Variants in RAPGEF4 observed in about 807,000 individuals in gnomAD.
RAPGEF4 encodes Rap guanine nucleotide exchange factor 4.
RAPGEF4 carries 66 observed loss-of-function variants against 147.9 expected under a neutral mutation model. The ratio of observed to expected loss-of-function variants is 0.45; its 90% confidence interval spans 0.37 to 0.55. RAPGEF4 has a LOEUF of 0.55. RAPGEF4 is among the 20% of genes least tolerant of loss of function. RAPGEF4 has a pLI of 0.00. For synonymous variants in RAPGEF4, 419 were observed against 442.7 expected, an observed-to-expected ratio of 0.95 and a Z score of 0.67; for missense variants, 1,071 against 1,257.3, an observed-to-expected ratio of 0.85 and a Z score of 2.24.
At chr2:173,050,099 G>A (rs1350881444) in intron 30 of RAPGEF4, among the ~76,000 whole-genome samples, 1 of 152,154 alleles carries the variant, frequency 6.6e-6, no homozygotes, top group Non-Finnish European at 1.5e-5. Flanking sequence ...ACCTCCTAGA[G>A]AAGCCAAGGG....
intron 1 of RAPGEF4, among the ~76,000 whole-genome samples, chr2:172,758,444 T>C (rs865828665): frequency 7.9e-5 from 12 of 152,170 alleles, no homozygotes; most frequent in Non-Finnish European, 1.3e-4. Flanking sequence ...AAGATCACTA[T>C]GACTGCAACG....
chr2:172,928,312 T>A lies in RAPGEF4; in HGVS notation c.537+6012T>A, dbSNP rs1182034974. ...TCTGTTCCTCAACTCTTACAAAAGC[T>A]AGCCATACCATCTCTCTCTCTAGCT... On this transcript the variant is annotated intron_variant, in intron 6 of 30. Coordinates refer to ENST00000397081, the MANE Select transcript of RAPGEF4 (RefSeq NM_007023.4). The A allele has an allele frequency of 9.3e-6, 4 of 430,244 alleles. No individual in the cohort carries two copies. The East Asian group carries it at 2.8e-4, about 30-fold the overall frequency. The allele number at this position is 430,244 out of a possible 1,614,324, so 26.7% of individuals were successfully genotyped here. A position where few individuals can be genotyped will look rare whatever the true frequency, so the allele number is the denominator to read the frequency against.
intron 4 of RAPGEF4, among the ~76,000 whole-genome samples, chr2:172,852,294 T>C (rs1397126032): frequency 6.6e-6 from 1 of 152,208 alleles, no homozygotes; most frequent in Non-Finnish European, 1.5e-5. Context: ...ACCTTCCTTA[T>C]TCTTTCAGGT....
chr2:172,876,293 G>A (rs1283228805), intron 4 of RAPGEF4, among the ~76,000 whole-genome samples: 1 of 152,132 alleles, frequency 6.6e-6, no homozygotes. Context: ...ATGTTGAATA[G>A]GAGTGGTGAG....
chr2:172,813,779 T>A lies in RAPGEF4; in HGVS notation c.298-500T>A, dbSNP rs371302484. On this transcript the variant is annotated intron_variant, in intron 3 of 30. Transcript: ENST00000397081. ...AAAAGGTAAGATTCCTGCTGGCAGCTTTATTCATAATATCCTCAAAGTAGA... is the reference window on the plus strand; with the variant it reads ...AAAAGGTAAGATTCCTGCTGGCAGCATTATTCATAATATCCTCAAAGTAGA... 1.8e-4 allele frequency among the ~76,000 whole-genome samples: 27 copies of A among 152,250 alleles called. No individual in the cohort carries two copies. The East Asian group carries it at 5.2e-3, about 29-fold the overall frequency.
At position 172,758,304 on chromosome 2, in the gene RAPGEF4, A is replaced by G. The variant is rs540539123; in HGVS notation, c.65+22256A>G. 2.6e-5 allele frequency among the ~76,000 whole-genome samples: 4 copies of G among 152,250 alleles called. No individual in the cohort carries two copies. In the East Asian group the frequency reaches 7.7e-4, roughly 29 times the overall value. On this transcript the variant is annotated intron_variant, in intron 1 of 30. Transcript: ENST00000397081. ...GGGAAAGGGTAGGAGAGGAAGTGAG[A>G]CAGAGAATGAGGGCAGATCACATAG...
intron 10 of RAPGEF4, among the ~76,000 whole-genome samples, chr2:172,971,755 A>AC (rs1553539727): frequency 2.2e-3 from 333 of 149,200 alleles, no homozygotes; most frequent in African/African-American, 7.0e-3. Context: ...CACATACCCC[A>AC]TTTTTTTTTT....
At chr2:173,035,562 A>G (rs1683884096) in intron 27 of RAPGEF4, among the ~76,000 whole-genome samples, 1 of 151,580 alleles carries the variant, frequency 6.6e-6, no homozygotes, top group Non-Finnish European at 1.5e-5. Context: ...ATTTTACCCA[A>G]GCTGGTCATG....
At chr2:172,894,462 A>G (rs895477614) in intron 4 of RAPGEF4, 3 of 152,344 alleles carry the variant, frequency 2.0e-5, no homozygotes, top group South Asian at 2.1e-4. Context: ...ATAAAATTCT[A>G]ACTCTCACTG....
At chr2:172,882,805 T>TCA in intron 4 of RAPGEF4, among the ~76,000 whole-genome samples, 1 of 150,682 alleles carries the variant, frequency 6.6e-6, no homozygotes, top group Admixed American at 6.6e-5. Flanking sequence ...AACATTATCA[T>TCA]TATCATCATC....
At chr2:172,993,783 G>C (rs1235613121) in intron 15 of RAPGEF4, among the ~76,000 whole-genome samples, 1 of 152,196 alleles carries the variant, frequency 6.6e-6, no homozygotes. Flanking sequence ...CCCACCCTAA[G>C]GGAATGTTAG....
intron 5 of RAPGEF4, among the ~76,000 whole-genome samples, chr2:172,920,814 A>G (rs781610147): frequency 6.6e-6 from 1 of 152,130 alleles, no homozygotes. Context: ...TGGATGATGG[A>G]TGGGTGGATG....
At chr2:172,773,695 T>G (rs1350568230) in intron 1 of RAPGEF4, among the ~76,000 whole-genome samples, 3 of 139,436 alleles carry the variant, frequency 2.2e-5, no homozygotes, top group African/African-American at 8.0e-5. Flanking sequence ...TCAATCAGAA[T>G]TTCATCCTGC....
intron 4 of RAPGEF4, among the ~76,000 whole-genome samples, chr2:172,816,078 T>TG (rs1483406110): frequency 6.6e-6 from 1 of 152,208 alleles, no homozygotes; most frequent in Non-Finnish European, 1.5e-5. Flanking sequence ...TAGAATATCC[T>TG]GTTACATACC....
chr2:173,001,993 C>CAAAAAAAAAAAAAA (rs11397728), intron 17 of RAPGEF4, among the ~76,000 whole-genome samples: 1,128 of 79,262 alleles, frequency 0.014, 136 homozygotes, highest in African/African-American at 0.022. Context: ...GTGATGCTGG[C>CAAAAAAAAAAAAAA]AAAAAAAAAA....
rs779625883 is a variant in RAPGEF4, at chr2:173,017,478, G to T, written c.1982G>T (p.Arg661Leu). Residue 661 changes from arginine to leucine, a missense_variant, in exon 21 of 31, where the codon CGC (arginine) becomes CTC (leucine). Arg to Leu is a moderately radical substitution (Grantham distance 102, BLOSUM62 -2). Coordinates refer to ENST00000397081, the MANE Select transcript of RAPGEF4 (RefSeq NM_007023.4). ...FNTGDERAQK[R>L]QPIRGSDEVL... is the part of the protein sequence containing the mutation. ...ACGGGCGATGAGAGAGCCCAGAAGC[G>T]CCAGCCTATCCGCGGCTCTGATGAA... 6.2e-7 allele frequency: 1 copy of T among 1,613,960 alleles called. No individual in the cohort carries two copies. The highest frequency in any genetic ancestry group is 1.7e-5 in the Admixed American group (1 of 60,008).
chr2:173,036,251 G>A (rs1683993357), intron 28 of RAPGEF4, 39 bp downstream of exon 28: 1 of 1,450,690 alleles, frequency 6.9e-7, no homozygotes, highest in Non-Finnish European at 9.7e-7. Context: ...CAGGTGATGA[G>A]TATTTGGGGA....
chr2:172,995,472 G>A (rs967898690), intron 15 of RAPGEF4, among the ~76,000 whole-genome samples: 2 of 152,136 alleles, frequency 1.3e-5, no homozygotes, highest in South Asian at 4.2e-4. Context: ...TAGAGACGGG[G>A]CTTCACCGTG....
intron 28 of RAPGEF4, 119 bp downstream of exon 28, chr2:173,036,331 C>G (rs1295304533): frequency 1.8e-5 from 15 of 811,424 alleles, no homozygotes; most frequent in African/African-American, 1.7e-5. Context: ...CTTCTGCCTT[C>G]TTTGTCATCT....
Sources: allele counts gnomAD v4.1 joint callset (sites outside exome capture counted in the v4.1 genomes callset), GRCh38; gene constraint gnomAD v4.1.1; transcripts MANE v1.5; gene names NCBI Gene and HGNC (gene_info 2026-07-23, HGNC 2026-07-21).